The following POPDC1 variants were observed in gnomAD, a reference collection of about 807,000 sequenced individuals.
The protein encoded by POPDC1 is popeye domain-containing protein 1.
chr6:105,112,185 G>C, the POPDC1 span, among the ~76,000 whole-genome samples: 3 of 152,096 alleles, frequency 2.0e-5, no homozygotes, highest in Non-Finnish European at 4.4e-5. Flanking sequence ...GCACATTTAA[G>C]AATCTGTTGT....
the POPDC1 span, among the ~76,000 whole-genome samples, chr6:105,105,760 G>A: frequency 6.6e-6 from 1 of 152,144 alleles, no homozygotes; most frequent in Non-Finnish European, 1.5e-5. Context: ...CGTACTGATA[G>A]ATATCAGAAA....
chr6:105,119,021 C>T, the POPDC1 span, among the ~76,000 whole-genome samples: 2 of 151,794 alleles, frequency 1.3e-5, no homozygotes, highest in African/African-American at 4.8e-5. Context: ...CCTGTCTCTA[C>T]TAAAAGAAAA....
chr6:105,130,198 CACAT>C, the POPDC1 span, among the ~76,000 whole-genome samples: 3 of 152,138 alleles, frequency 2.0e-5, no homozygotes, highest in Non-Finnish European at 4.4e-5. Flanking sequence ...AAACCTAGCA[CACAT>C]ACAATTTTAA....
the POPDC1 span, chr6:105,125,429 G>A: frequency 6.2e-7 from 1 of 1,614,152 alleles, no homozygotes; most frequent in Middle Eastern, 1.6e-4. Flanking sequence ...CATCAACTGA[G>A]GTTTTATCCT....
the POPDC1 span, among the ~76,000 whole-genome samples, chr6:105,116,141 C>A: frequency 6.6e-6 from 1 of 152,174 alleles, no homozygotes; most frequent in Non-Finnish European, 1.5e-5. Context: ...TCAATTGTCA[C>A]TGGGTAACAG....
the POPDC1 span, among the ~76,000 whole-genome samples, chr6:105,101,683 C>T: frequency 6.6e-6 from 1 of 152,130 alleles, no homozygotes; most frequent in Non-Finnish European, 1.5e-5. Flanking sequence ...CTTGCCTCCA[C>T]CATGGAGTCC....
chr6:105,132,425 C>T, the POPDC1 span, among the ~76,000 whole-genome samples: 100 of 152,290 alleles, frequency 6.6e-4, no homozygotes, highest in Non-Finnish European at 1.3e-3. Flanking sequence ...TCAGCGGGAC[C>T]CTGCTCTGCC....
chr6:105,119,626 G>A, the POPDC1 span, among the ~76,000 whole-genome samples: 1 of 152,208 alleles, frequency 6.6e-6, no homozygotes, highest in South Asian at 2.1e-4. Flanking sequence ...AGACAGTTAG[G>A]ACTGATGTTC....
At chr6:105,117,603 C>A in the POPDC1 span, among the ~76,000 whole-genome samples, 1 of 152,174 alleles carries the variant, frequency 6.6e-6, no homozygotes, top group East Asian at 1.9e-4. Context: ...GAGTGAGGGG[C>A]CATGCCCTCA....
the POPDC1 span, chr6:105,100,536 GTGTATGTATATATA>G: frequency 2.8e-5 from 1 of 35,646 alleles, no homozygotes; most frequent in Non-Finnish European, 8.8e-5. Context: ...ATATGTATGT[GTGTATGTATATATA>G]TGTATATATA....
chr6:105,115,709 C>A, the POPDC1 span: 1 of 1,614,092 alleles, frequency 6.2e-7, no homozygotes, highest in Non-Finnish European at 8.5e-7. Context: ...GCTGGAGGTA[C>A]CCCGAAGAAA....
chr6:105,134,978 G>A, the POPDC1 span, among the ~76,000 whole-genome samples: 1 of 152,144 alleles, frequency 6.6e-6, no homozygotes, highest in African/African-American at 2.4e-5. Flanking sequence ...TGCTTTTCAA[G>A]GCCAAACGAG....
chr6:105,134,416 G>A, the POPDC1 span, among the ~76,000 whole-genome samples: 20 of 152,010 alleles, frequency 1.3e-4, no homozygotes, highest in South Asian at 1.2e-3. Flanking sequence ...TTCGGTCTCC[G>A]GTCCTTAAAA....
chr6:105,098,013 C>T, the POPDC1 span: 1 of 152,058 alleles, frequency 6.6e-6, no homozygotes, highest in African/African-American at 2.4e-5. Flanking sequence ...ATATTACACT[C>T]CAGATTCATA....
At chr6:105,111,706 A>C in the POPDC1 span, among the ~76,000 whole-genome samples, 1 of 152,196 alleles carries the variant, frequency 6.6e-6, no homozygotes, top group Non-Finnish European at 1.5e-5. Flanking sequence ...TGTGGAAAGG[A>C]GTAGAGACCT....
chr6:105,100,959 T>C, the POPDC1 span: 2 of 1,119,980 alleles, frequency 1.8e-6, no homozygotes, highest in Non-Finnish European at 2.5e-6. Context: ...CCTTCCTCAC[T>C]TCCTCCCTCC....
the POPDC1 span, among the ~76,000 whole-genome samples, chr6:105,121,830 A>C: frequency 2.0e-5 from 3 of 152,168 alleles, no homozygotes; most frequent in Non-Finnish European, 4.4e-5. Context: ...GTACTGTACA[A>C]TTCATGAGCA....
the POPDC1 span, among the ~76,000 whole-genome samples, chr6:105,128,170 T>C: frequency 3.8e-4 from 58 of 152,362 alleles, no homozygotes; most frequent in African/African-American, 1.4e-3. Flanking sequence ...GTGTGTTAGA[T>C]TATTGTTTCC....
chr6:105,109,763 C>CAAAAAAAAAAAAAAAAAAAAAA, the POPDC1 span, among the ~76,000 whole-genome samples: 1,402 of 22,726 alleles, frequency 0.062, 524 homozygotes, highest in Middle Eastern at 0.21. Flanking sequence ...GACCCTTTCT[C>CAAAAAAAAAAAAAAAAAAAAAA]AAAAAAAAAA....
Sources: gnomAD v4.1 joint callset for allele counts (sites outside exome capture counted in the v4.1 genomes callset) on GRCh38, gnomAD v4.1.1 for gene constraint, MANE v1.5 for transcripts, NCBI Gene and HGNC (gene_info 2026-07-23, HGNC 2026-07-21) for gene names.